The following NME7 variants were observed in gnomAD, a reference collection of about 807,000 sequenced individuals.
The protein encoded by NME7 is NME/NM23 family member 7, also known as nucleoside diphosphate kinase 7.
NME7 carries 41 observed loss-of-function variants against 49.1 expected under a neutral mutation model. That is an observed-to-expected ratio of 0.83 (90% CI 0.65 to 1.08). The LOEUF (loss-of-function observed/expected upper bound fraction) is 1.08. Ranked by LOEUF, NME7 falls within the 50% of genes least tolerant of loss-of-function variation. The pLI is 0.00. For missense variants in NME7, 423 were observed against 463.4 expected, an observed-to-expected ratio of 0.91 and a Z score of 0.80; for synonymous variants, 139 against 150.6, an observed-to-expected ratio of 0.92 and a Z score of 0.56.
intron 1 of NME7, among the ~76,000 whole-genome samples, chr1:169,341,185 T>C (rs1289459792): frequency 6.6e-6 from 1 of 152,166 alleles, no homozygotes; most frequent in Non-Finnish European, 1.5e-5. Context: ...CACTGCTCTG[T>C]GTGGCCCTGG....
chr1:169,202,577 A>C (rs1019743828), intron 10 of NME7, among the ~76,000 whole-genome samples: 6 of 152,314 alleles, frequency 3.9e-5, no homozygotes, highest in African/African-American at 1.4e-4. Flanking sequence ...AGGCCTACAG[A>C]AGTTAAGTAA....
In NME7 at chr1:169,303,198, A is replaced by T; in HGVS notation, c.390-3T>A. On this transcript the variant is annotated splice_polypyrimidine_tract_variant and splice_region_variant and intron_variant, in intron 4 of 11. Coordinates refer to ENST00000367811, the MANE Select transcript of NME7 (RefSeq NM_013330.5). ...CATGAAAATCCAATGCTTCTTTCCT[A>T]TAAAATAATCAAAAAGGCAATAGTT... 1 of 1,508,328 alleles carries T rather than the reference A, an allele frequency of 6.6e-7. No homozygotes were observed. Among genetic ancestry groups the T allele is most frequent in the Admixed American group, 1.9e-5 (1 of 52,684 alleles). The allele number at this position is 1,508,328 out of a possible 1,614,324, so 93.4% of individuals were successfully genotyped here.
intron 7 of NME7, among the ~76,000 whole-genome samples, chr1:169,254,976 A>G (rs1269409297): frequency 7.5e-6 from 1 of 134,086 alleles, no homozygotes; most frequent in Non-Finnish European, 1.7e-5. Flanking sequence ...GGAGAGCTTT[A>G]CTTCCAACTA....
intron 10 of NME7, among the ~76,000 whole-genome samples, chr1:169,192,825 T>G (rs1660272117): frequency 6.6e-6 from 1 of 152,178 alleles, no homozygotes; most frequent in Non-Finnish European, 1.5e-5. Flanking sequence ...CCAAACTGTG[T>G]GTATTTCATT....
At chr1:169,191,077 G>T (rs903599638) in intron 10 of NME7, among the ~76,000 whole-genome samples, 6 of 61,442 alleles carry the variant, frequency 9.8e-5, no homozygotes, top group African/African-American at 2.7e-4. Flanking sequence ...CTCCCAAAGT[G>T]CTGGGATTAC....
chr1:169,170,110 A>G (rs1170223384), intron 10 of NME7, among the ~76,000 whole-genome samples: 1 of 152,204 alleles, frequency 6.6e-6, no homozygotes, highest in Non-Finnish European at 1.5e-5. Context: ...TCCTAGTGGT[A>G]TGGGATAATT....
chr1:169,198,382 A>G (rs1223675114), intron 10 of NME7, among the ~76,000 whole-genome samples: 1 of 152,100 alleles, frequency 6.6e-6, no homozygotes. Context: ...AACTGAAAAC[A>G]TATATTCCCA....
chr1:169,261,046 C>T (rs12088527), intron 7 of NME7, among the ~76,000 whole-genome samples: 2,404 of 131,790 alleles, frequency 0.018, 303 homozygotes, highest in African/African-American at 0.057. Context: ...CCTGAATCAC[C>T]GTGACTCTGA....
intron 11 of NME7, among the ~76,000 whole-genome samples, chr1:169,151,262 G>A (rs1300861685): frequency 1.3e-5 from 2 of 152,156 alleles, no homozygotes; most frequent in Non-Finnish European, 2.9e-5. Context: ...CCAAGGCCTT[G>A]GAAGATAAAA....
chr1:169,221,568 C>A (rs1182677805), intron 10 of NME7, among the ~76,000 whole-genome samples: 2 of 151,894 alleles, frequency 1.3e-5, no homozygotes, highest in Non-Finnish European at 2.9e-5. Flanking sequence ...TATATGTTTA[C>A]ATATATTTAT....
intron 11 of NME7, among the ~76,000 whole-genome samples, chr1:169,142,967 A>C (rs1266831590): frequency 6.6e-6 from 1 of 152,166 alleles, no homozygotes; most frequent in Non-Finnish European, 1.5e-5. Flanking sequence ...CATTTTCCAC[A>C]TGGAGAAACT....
intron 10 of NME7, among the ~76,000 whole-genome samples, chr1:169,224,922 A>G (rs536590388): frequency 1.5e-4 from 23 of 152,288 alleles, no homozygotes; most frequent in African/African-American, 4.8e-4. Context: ...TAAGGCCACA[A>G]AAGAGGAAGT....
intron 6 of NME7, among the ~76,000 whole-genome samples, chr1:169,288,453 G>A (rs1327646407): frequency 6.6e-6 from 1 of 151,992 alleles, no homozygotes; most frequent in Non-Finnish European, 1.5e-5. Flanking sequence ...TTCACCTCTT[G>A]CAAATACTGC....
At chr1:169,221,084 C>T (rs1252479843) in intron 10 of NME7, among the ~76,000 whole-genome samples, 1 of 152,046 alleles carries the variant, frequency 6.6e-6, no homozygotes, top group Admixed American at 6.6e-5. Context: ...TTCCCTTTTT[C>T]TATTTCATCA....
chr1:169,318,183 T>A (rs1221265694), intron 3 of NME7, among the ~76,000 whole-genome samples: 5 of 152,118 alleles, frequency 3.3e-5, no homozygotes, highest in African/African-American at 1.2e-4. Flanking sequence ...TCCAGATCAG[T>A]GTAAGGGATA....
intron 7 of NME7, among the ~76,000 whole-genome samples, chr1:169,282,957 T>C (rs1465186659): frequency 6.6e-6 from 1 of 152,154 alleles, no homozygotes; most frequent in African/African-American, 2.4e-5. Context: ...GGAGGTCTAT[T>C]AGGTCTGCTT....
chr1:169,154,151 C>A (rs1013309850), intron 11 of NME7, among the ~76,000 whole-genome samples: 8 of 151,972 alleles, frequency 5.3e-5, no homozygotes, highest in Non-Finnish European at 1.0e-4. Context: ...GTAGCTGAGA[C>A]CACAGGTACA....
chr1:169,319,025 T>G (rs1651758341), intron 3 of NME7, among the ~76,000 whole-genome samples: 1 of 131,364 alleles, frequency 7.6e-6, no homozygotes, highest in Non-Finnish European at 1.7e-5. Context: ...AAAATTAAAT[T>G]TAATTTAATT....
At chr1:169,146,871 A>G (rs4656653) in intron 11 of NME7, among the ~76,000 whole-genome samples, 60,075 of 152,076 alleles carry the variant, frequency 0.4, 12,220 homozygotes, top group East Asian at 0.74. Flanking sequence ...TATAAGGACA[A>G]TGGGGACAAA....
Sources: gnomAD v4.1 joint callset for allele counts (sites outside exome capture counted in the v4.1 genomes callset) on GRCh38, gnomAD v4.1.1 for gene constraint, MANE v1.5 for transcripts, NCBI Gene and HGNC (gene_info 2026-07-23, HGNC 2026-07-21) for gene names.